Variants in LARGE1 observed in about 807,000 individuals in gnomAD.
LARGE1 encodes xylosyl- and glucuronyltransferase LARGE1.
In LARGE1, 43 loss-of-function variants were observed where a neutral mutation model predicts 87.6. That is an observed-to-expected ratio of 0.49 (90% CI 0.38 to 0.63). The LOEUF (loss-of-function observed/expected upper bound fraction) is 0.63, where lower values mean the gene tolerates loss of function less well. Among genes scored for constraint, LARGE1 ranks in the 30% least tolerant of loss-of-function variants. LARGE1 has a pLI of 0.00. For synonymous variants in LARGE1, 434 were observed against 394.6 expected, an observed-to-expected ratio of 1.10 and a Z score of -1.18; for missense variants, 802 against 1,000.2, an observed-to-expected ratio of 0.80 and a Z score of 2.67.
intron 5 of LARGE1, among the ~76,000 whole-genome samples, chr22:33,579,239 GATGGTTTTAAA>G (rs1327599775): frequency 6.6e-6 from 1 of 152,140 alleles, no homozygotes; most frequent in Non-Finnish European, 1.5e-5. Flanking sequence ...CATGAGATCT[GATGGTTTTAAA>G]AAGAGGAGTT....
At chr22:33,279,957 C>CTTTA (rs1240617188) in intron 13 of LARGE1, among the ~76,000 whole-genome samples, 2 of 152,214 alleles carry the variant, frequency 1.3e-5, no homozygotes, top group African/African-American at 2.4e-5. Context: ...GAACAAAATG[C>CTTTA]TTTAATTAGC....
At chr22:33,637,468 T>G (rs1319326023) in intron 3 of LARGE1, among the ~76,000 whole-genome samples, 3 of 152,162 alleles carry the variant, frequency 2.0e-5, no homozygotes, top group African/African-American at 7.2e-5. Context: ...CAAAGATCCC[T>G]TCCCCCTGGT....
chr22:33,326,683 C>T (rs1937272726), intron 10 of LARGE1, among the ~76,000 whole-genome samples: 1 of 152,100 alleles, frequency 6.6e-6, no homozygotes, highest in African/African-American at 2.4e-5. Context: ...TAAGAGATGC[C>T]ACTTGAGAAA....
the LARGE1 span, among the ~76,000 whole-genome samples, chr22:33,089,446 T>C: frequency 7.7e-4 from 89 of 116,180 alleles, 2 homozygotes; most frequent in Admixed American, 4.7e-3. Flanking sequence ...CTTCTTCCTC[T>C]TCTTCTTCCT....
At chr22:33,264,889 CTTTTTT>C (rs200074908) in intron 11 of LARGE1, among the ~76,000 whole-genome samples, 848 of 74,376 alleles carry the variant, frequency 0.011, 16 homozygotes, top group South Asian at 0.095. Flanking sequence ...TGATCAAATT[CTTTTTT>C]TTTTTTTTTT....
At chr22:33,073,123 G>C in the LARGE1 span, among the ~76,000 whole-genome samples, 1 of 152,164 alleles carries the variant, frequency 6.6e-6, no homozygotes, top group Non-Finnish European at 1.5e-5. Flanking sequence ...CCCCATATGG[G>C]GTGGGGTAGT....
At position 33,811,599 on chromosome 22, in the gene LARGE1, G is replaced by A. The variant is rs2086496153; in HGVS notation, c.-82-50041C>T. Among the ~76,000 whole-genome samples, 3 of 152,190 alleles carry A rather than the reference G, an allele frequency of 2.0e-5. No homozygotes were observed. In the South Asian group the frequency reaches 6.2e-4, roughly 32 times the overall value. On this transcript the variant is annotated intron_variant, in intron 1 of 14. Transcript: ENST00000397394. Reference sequence around the variant, plus strand: ...AACGTGGAAGAGCATGCTGTATTTAGGAAGTGGTAAAATCATGATTTGGTA... The same window carrying A: ...AACGTGGAAGAGCATGCTGTATTTAAGAAGTGGTAAAATCATGATTTGGTA...
At chr22:33,746,947 C>G (rs865994390) in intron 2 of LARGE1, among the ~76,000 whole-genome samples, 1 of 152,116 alleles carries the variant, frequency 6.6e-6, no homozygotes, top group Admixed American at 6.5e-5. Flanking sequence ...AATACAGACA[C>G]CTGGGCACCT....
the LARGE1 span, among the ~76,000 whole-genome samples, chr22:33,088,987 C>A: frequency 6.6e-6 from 1 of 152,156 alleles, no homozygotes; most frequent in Non-Finnish European, 1.5e-5. Flanking sequence ...CATGCTGAGT[C>A]CCCATGGATG....
At chr22:33,787,004 G>A (rs1218467404) in intron 1 of LARGE1, among the ~76,000 whole-genome samples, 1 of 145,140 alleles carries the variant, frequency 6.9e-6, no homozygotes, top group Non-Finnish European at 1.5e-5. Context: ...CTGGGTGACA[G>A]AGTGAGACTC....
intron 7 of LARGE1, among the ~76,000 whole-genome samples, chr22:33,411,492 A>C (rs1440465294): frequency 1.3e-5 from 2 of 152,266 alleles, no homozygotes; most frequent in Non-Finnish European, 2.9e-5. Flanking sequence ...ATGCATACAT[A>C]AACATGCACA....
intron 11 of LARGE1, among the ~76,000 whole-genome samples, chr22:33,203,097 CTCTCTGTGTGTGTG>C (rs1924491244): frequency 7.5e-6 from 1 of 132,934 alleles, no homozygotes; most frequent in South Asian, 2.8e-4. Flanking sequence ...CTCTCTCTCT[CTCTCTGTGTGTGTG>C]TGTGTGTGTG....
At chr22:33,375,552 C>A (rs989949387) in intron 9 of LARGE1, among the ~76,000 whole-genome samples, 4 of 152,082 alleles carry the variant, frequency 2.6e-5, no homozygotes, top group African/African-American at 9.7e-5. Flanking sequence ...GTTATATCAT[C>A]AAGGCTTTGA....
chr22:33,318,593 GT>G (rs1936409301), intron 10 of LARGE1, among the ~76,000 whole-genome samples: 1 of 151,816 alleles, frequency 6.6e-6, no homozygotes, highest in Admixed American at 6.6e-5. Flanking sequence ...ACCGGGGCCT[GT>G]TGTGGGGTTG....
intron 6 of LARGE1, among the ~76,000 whole-genome samples, chr22:33,463,151 A>G (rs1224575842): frequency 6.6e-6 from 1 of 152,138 alleles, no homozygotes; most frequent in African/African-American, 2.4e-5. Flanking sequence ...AACACCTGCC[A>G]TCTTGGTGGC....
chr22:33,311,110 G>A (rs1935541978), intron 11 of LARGE1, among the ~76,000 whole-genome samples: 3 of 152,050 alleles, frequency 2.0e-5, no homozygotes, highest in South Asian at 2.1e-4. Context: ...ACAGGCGCCC[G>A]CCACCATGCC....
At chr22:33,125,075 A>G in the LARGE1 span, among the ~76,000 whole-genome samples, 8 of 152,176 alleles carry the variant, frequency 5.3e-5, no homozygotes, top group African/African-American at 1.7e-4. Context: ...CTCTCTGGGT[A>G]TTGCCGTGGC....
At chr22:33,742,088 G>T (rs1392742678) in intron 2 of LARGE1, among the ~76,000 whole-genome samples, 1 of 152,178 alleles carries the variant, frequency 6.6e-6, no homozygotes, top group African/African-American at 2.4e-5. Flanking sequence ...TACAGGCTGA[G>T]ACAATACAGC....
chr22:33,818,234 T>C (rs2086715062), intron 1 of LARGE1, among the ~76,000 whole-genome samples: 1 of 152,164 alleles, frequency 6.6e-6, no homozygotes, highest in Admixed American at 6.5e-5. Flanking sequence ...CCCTGCTGTC[T>C]TCAGTTGATT....
Sources: gnomAD v4.1 joint callset for allele counts (sites outside exome capture counted in the v4.1 genomes callset) on GRCh38, gnomAD v4.1.1 for gene constraint, MANE v1.5 for transcripts, NCBI Gene and HGNC (gene_info 2026-07-23, HGNC 2026-07-21) for gene names.